Variants in SHISA6 observed in about 807,000 individuals in gnomAD.
The protein encoded by SHISA6 is protein shisa-6.
In SHISA6, 22 loss-of-function variants were observed where a neutral mutation model predicts 47.9. The observed-to-expected ratio is 0.46, with a 90% confidence interval of 0.33 to 0.66. SHISA6 has a LOEUF of 0.66. SHISA6 is among the 30% of genes least tolerant of loss of function. The pLI, the probability that SHISA6 is intolerant of heterozygous loss-of-function variation, is 0.02. For synonymous variants in SHISA6, 388 were observed against 337.8 expected (o/e 1.15, Z -1.63); for missense variants, 680 against 764.6 (o/e 0.89, Z 1.30).
chr17:11,535,267 T>C (rs1428580946), intron 3 of SHISA6, among the ~76,000 whole-genome samples: 1 of 152,192 alleles, frequency 6.6e-6, no homozygotes, highest in African/African-American at 2.4e-5. Flanking sequence ...GTGCTATGCA[T>C]GGAGATTCCC....
chr17:11,390,037 G>A (rs1192261649), intron 3 of SHISA6, among the ~76,000 whole-genome samples: 1 of 152,206 alleles, frequency 6.6e-6, no homozygotes, highest in East Asian at 1.9e-4. Flanking sequence ...TGTTCTCAGG[G>A]CATCACTGTT....
At chr17:11,303,831 T>C (rs192728472) in intron 2 of SHISA6, among the ~76,000 whole-genome samples, 1 of 152,050 alleles carries the variant, frequency 6.6e-6, no homozygotes, top group Non-Finnish European at 1.5e-5. Context: ...TGGGGGTAAA[T>C]GTGGGGATGG....
chr17:11,521,035 A>G (rs774962969), intron 3 of SHISA6, among the ~76,000 whole-genome samples: 1 of 152,224 alleles, frequency 6.6e-6, no homozygotes, highest in Non-Finnish European at 1.5e-5. Flanking sequence ...GCTTGACAGA[A>G]TGGGGAACAT....
intron 2 of SHISA6, among the ~76,000 whole-genome samples, chr17:11,275,902 C>T (rs1473277579): frequency 1.3e-5 from 2 of 152,022 alleles, no homozygotes; most frequent in Admixed American, 6.6e-5. Context: ...GGGCTTATAG[C>T]GAGTAGAGAT....
intron 2 of SHISA6, among the ~76,000 whole-genome samples, chr17:11,375,704 G>A (rs889022968): frequency 2.6e-5 from 4 of 152,160 alleles, no homozygotes; most frequent in Admixed American, 6.5e-5. Flanking sequence ...ACAGTTGTCC[G>A]TTGGTGCTGT....
At chr17:11,521,936 T>C (rs1167993887) in intron 3 of SHISA6, among the ~76,000 whole-genome samples, 2 of 152,018 alleles carry the variant, frequency 1.3e-5, no homozygotes, top group African/African-American at 2.4e-5. Context: ...TGAGTGTTTT[T>C]CTATTTTTAA....
intron 3 of SHISA6, among the ~76,000 whole-genome samples, chr17:11,482,775 GAGA>G (rs1415664187): frequency 4.6e-5 from 7 of 152,172 alleles, no homozygotes; most frequent in South Asian, 4.1e-4. Flanking sequence ...AGGAAGAGAG[GAGA>G]AGAAGTAAGA....
At position 11,560,029 on chromosome 17, in the gene SHISA6, C is replaced by T. The variant is rs1163401557; in HGVS notation, c.*1725C>T. On this transcript the variant is annotated 3_prime_UTR_variant, in exon 6 of 6. Transcript: ENST00000441885. Reference sequence around the variant, plus strand: ...CCCTTATAAATGGGGTTTTACCTGCCCTCAGTTCTGCACTCATGGCCCTTT... The same window carrying T: ...CCCTTATAAATGGGGTTTTACCTGCTCTCAGTTCTGCACTCATGGCCCTTT... 6.6e-6 allele frequency: 1 copy of T among 152,228 alleles called. No individual in the cohort carries two copies. The highest frequency in any genetic ancestry group is 1.5e-5 in the Non-Finnish European group (1 of 68,082). The allele number at this position is 152,228 out of a possible 1,614,324, so 9.4% of individuals were successfully genotyped here.
intron 2 of SHISA6, among the ~76,000 whole-genome samples, chr17:11,329,750 C>G (rs930804217): frequency 2.6e-5 from 4 of 152,076 alleles, no homozygotes; most frequent in African/African-American, 9.7e-5. Flanking sequence ...CCAGCAGAAC[C>G]AGTTGTCCTG....
chr17:11,307,289 T>A (rs1258951062), intron 2 of SHISA6, among the ~76,000 whole-genome samples: 1 of 152,190 alleles, frequency 6.6e-6, no homozygotes, highest in African/African-American at 2.4e-5. Context: ...TAACTGTTGC[T>A]TACACAACTA....
chr17:11,386,769 C>T (rs1225076111), intron 3 of SHISA6, among the ~76,000 whole-genome samples: 1 of 152,146 alleles, frequency 6.6e-6, no homozygotes, highest in Non-Finnish European at 1.5e-5. Context: ...GGCCACACGG[C>T]CACAGGTGCA....
At chr17:11,277,280 T>TCTCTCTCTCTCACACACACACACA (rs1386997909) in intron 2 of SHISA6, among the ~76,000 whole-genome samples, 36 of 53,904 alleles carry the variant, frequency 6.7e-4, no homozygotes, top group Non-Finnish European at 1.1e-3. Context: ...TCTCTCTCTC[T>TCTCTCTCTCTCACACACACACACA]CACACACACA....
chr17:11,294,504 G>A (rs1011041404), intron 2 of SHISA6, among the ~76,000 whole-genome samples: 3 of 152,202 alleles, frequency 2.0e-5, no homozygotes, highest in Admixed American at 6.5e-5. Context: ...CCCCGCGTGC[G>A]AGGCTGCTCC....
At chr17:11,481,214 G>A (rs1156674576) in intron 3 of SHISA6, among the ~76,000 whole-genome samples, 15 of 151,976 alleles carry the variant, frequency 9.9e-5, no homozygotes, top group Admixed American at 8.5e-4. Flanking sequence ...GGGAGGCAGA[G>A]GTTGCAGTGA....
rs180759926 is a variant in SHISA6 at position 11,425,709 on chromosome 17, T to A, written c.895+46200T>A. ...TACTATCAAGAACCTCAGGTAATTT[T>A]AAAAATATTTTGTACTGTGTCTTCA... is the stretch of plus-strand genomic sequence containing the variant. On this transcript the variant is annotated intron_variant, in intron 3 of 5. Transcript: ENST00000441885. Among the ~76,000 whole-genome samples, 364 of 152,314 alleles carry A rather than the reference T, an allele frequency of 2.4e-3. 7 individuals are homozygous for A. The highest frequency in any genetic ancestry group is 5.3e-4 in the Non-Finnish European group (36 of 68,030).
At chr17:11,388,637 T>C (rs1913269701) in intron 3 of SHISA6, among the ~76,000 whole-genome samples, 1 of 151,234 alleles carries the variant, frequency 6.6e-6, no homozygotes, top group Non-Finnish European at 1.5e-5. Context: ...CTTAGGAAAA[T>C]CTGCGGCATC....
At chr17:11,460,851 T>C (rs1318963096) in intron 3 of SHISA6, among the ~76,000 whole-genome samples, 2 of 152,178 alleles carry the variant, frequency 1.3e-5, no homozygotes, top group Non-Finnish European at 2.9e-5. Context: ...TAGCTGAGCC[T>C]ACAGAGAATG....
intron 3 of SHISA6, among the ~76,000 whole-genome samples, chr17:11,515,343 A>T (rs2071576718): frequency 6.7e-6 from 1 of 150,248 alleles, no homozygotes; most frequent in African/African-American, 2.4e-5. Flanking sequence ...GAAGGAAGGA[A>T]GGAAGGAAGG....
At chr17:11,488,621 A>G (rs554604875) in intron 3 of SHISA6, among the ~76,000 whole-genome samples, 19 of 152,310 alleles carry the variant, frequency 1.2e-4, no homozygotes, top group African/African-American at 4.3e-4. Context: ...ATTTCTGTCC[A>G]TCTCTTGTTC....
Sources: allele counts gnomAD v4.1 joint callset (sites outside exome capture counted in the v4.1 genomes callset), GRCh38; gene constraint gnomAD v4.1.1; transcripts MANE v1.5; gene names NCBI Gene and HGNC (gene_info 2026-07-23, HGNC 2026-07-21).